NXN: variants seen among roughly 807,000 people sequenced by gnomAD.
NXN encodes nucleoredoxin 1.
In NXN, 16 loss-of-function variants were observed where a neutral mutation model predicts 48.6. That is an observed-to-expected ratio of 0.33 (90% CI 0.22 to 0.50). The LOEUF (loss-of-function observed/expected upper bound fraction) is 0.50. NXN is among the 20% of genes least tolerant of loss of function. The pLI is 0.98. For missense variants in NXN, 492 were observed against 605.5 expected, an observed-to-expected ratio of 0.81 and a Z score of 1.97; for synonymous variants, 281 against 269.6, an observed-to-expected ratio of 1.04 and a Z score of -0.41.
chr17:874,509 G>T (rs929439943), intron 1 of NXN, among the ~76,000 whole-genome samples: 1 of 152,222 alleles, frequency 6.6e-6, no homozygotes, highest in Non-Finnish European at 1.5e-5. Flanking sequence ...GCTTGAACCC[G>T]AGAGGCAGAG....
chr17:926,521 T>A (rs928524829), intron 1 of NXN, among the ~76,000 whole-genome samples: 5 of 140,990 alleles, frequency 3.5e-5, no homozygotes, highest in African/African-American at 1.3e-4. Context: ...AACAGGAGTA[T>A]CCCATGTTTT....
chr17:801,344 T>G (rs1428920381), intron 7 of NXN, among the ~76,000 whole-genome samples: 2 of 152,066 alleles, frequency 1.3e-5, no homozygotes, highest in African/African-American at 4.8e-5. Flanking sequence ...GCATCCGCCC[T>G]GCAAACCACT....
At chr17:828,766 T>A (rs558691149) in intron 1 of NXN, among the ~76,000 whole-genome samples, 1 of 152,120 alleles carries the variant, frequency 6.6e-6, no homozygotes, top group Non-Finnish European at 1.5e-5. Flanking sequence ...AGATTAAACA[T>A]CCTTAAGAGG....
chr17:962,283 A>G (rs2069247098), intron 1 of NXN, among the ~76,000 whole-genome samples: 1 of 152,214 alleles, frequency 6.6e-6, no homozygotes, highest in Non-Finnish European at 1.5e-5. Flanking sequence ...TCCTAAGCAG[A>G]GGCAATCACA....
At chr17:814,581 G>A (rs1469568834) in intron 5 of NXN, among the ~76,000 whole-genome samples, 5 of 152,338 alleles carry the variant, frequency 3.3e-5, no homozygotes, top group South Asian at 4.1e-4. Context: ...CAACACTGTC[G>A]TGTTCGTGAA....
intron 1 of NXN, among the ~76,000 whole-genome samples, chr17:853,296 T>C (rs2067945173): frequency 6.6e-6 from 1 of 151,912 alleles, no homozygotes; most frequent in Non-Finnish European, 1.5e-5. Flanking sequence ...ATACAAAAAT[T>C]AGCCGGGTGT....
intron 1 of NXN, among the ~76,000 whole-genome samples, chr17:966,403 A>G (rs980935933): frequency 2.0e-5 from 3 of 151,772 alleles, no homozygotes; most frequent in Non-Finnish European, 2.9e-5. Context: ...GCCGGAGCGC[A>G]GTGGCACGAA....
chr17:869,942 G>A (rs773780598), intron 1 of NXN, among the ~76,000 whole-genome samples: 2 of 152,190 alleles, frequency 1.3e-5, no homozygotes, highest in African/African-American at 2.4e-5. Flanking sequence ...GGTGCCAGGC[G>A]CTTGGTGCTT....
In NXN at chr17:835,105, G is replaced by A. The variant is rs1033769051; in HGVS notation, c.361-9027C>T. On this transcript the variant is annotated intron_variant, in intron 1 of 7. Coordinates refer to ENST00000336868, the MANE Select transcript of NXN (RefSeq NM_022463.5). Reference sequence around the variant, plus strand: ...GGGCGGATCACAAGGTCAGGAGATCGAGACCATCCTGGCTAACATGGTGAA... The same window carrying A: ...GGGCGGATCACAAGGTCAGGAGATCAAGACCATCCTGGCTAACATGGTGAA... Among the ~76,000 whole-genome samples the A allele has an allele frequency of 1.1e-3, 172 of 151,200 alleles. 1 individual carries two copies. Among genetic ancestry groups the A allele is most frequent in the African/African-American group, 2.5e-3 (104 of 41,330 alleles).
intron 3 of NXN, 61 bp downstream of exon 3, chr17:823,571 G>A: frequency 6.3e-7 from 1 of 1,594,524 alleles, no homozygotes. Flanking sequence ...AACCACAGCT[G>A]GGCCTGCTGG....
At chr17:827,136 G>A (rs988557458) in intron 1 of NXN, among the ~76,000 whole-genome samples, 1 of 152,086 alleles carries the variant, frequency 6.6e-6, no homozygotes, top group African/African-American at 2.4e-5. Context: ...CTGAGGTCAG[G>A]AGTTCAAGAC....
intron 1 of NXN, among the ~76,000 whole-genome samples, chr17:836,363 GGTCAGCCAAGCCTTCTCGGGCAAAC>G (rs1913826139): frequency 1.3e-5 from 2 of 152,190 alleles, no homozygotes; most frequent in African/African-American, 4.8e-5. Flanking sequence ...TCCTTGGCCA[GGTCAGCCAAGCCTTCTCGGGCAAAC>G]GTCACCCCTG....
chr17:828,622 G>C (rs1913273629), intron 1 of NXN, among the ~76,000 whole-genome samples: 1 of 150,860 alleles, frequency 6.6e-6, no homozygotes, highest in South Asian at 2.1e-4. Flanking sequence ...GGCTGGTCTG[G>C]AACTCCTGAC....
Position 912,955 on chromosome 17 carries a change from A to G in NXN, c.360+66364T>C, listed in dbSNP as rs1483149128. 2.0e-5 allele frequency among the ~76,000 whole-genome samples: 3 copies of G among 152,174 alleles called. No individual in the cohort carries two copies. In the East Asian group the frequency reaches 5.8e-4, roughly 29 times the overall value. On this transcript the variant is annotated intron_variant, in intron 1 of 7. Coordinates refer to ENST00000336868, the MANE Select transcript of NXN (RefSeq NM_022463.5). ...GGCGACAGAGTGAAACAAGGAAAGGAGAAAAGAGAAAGGAAAGGACGGAAA... is the reference window on the plus strand; with the variant it reads ...GGCGACAGAGTGAAACAAGGAAAGGGGAAAAGAGAAAGGAAAGGACGGAAA...
intron 1 of NXN, among the ~76,000 whole-genome samples, chr17:881,712 T>A (rs953303568): frequency 6.6e-6 from 1 of 152,186 alleles, no homozygotes; most frequent in African/African-American, 2.4e-5. Flanking sequence ...ACAACTCACA[T>A]ACATCCATCA....
chr17:874,253 C>T (rs2068190646), intron 1 of NXN, among the ~76,000 whole-genome samples: 1 of 152,184 alleles, frequency 6.6e-6, no homozygotes, highest in African/African-American at 2.4e-5. Flanking sequence ...GCCTCCCCAG[C>T]CCTGTGAAAC....
intron 1 of NXN, among the ~76,000 whole-genome samples, chr17:905,712 C>T (rs767010756): frequency 1.3e-5 from 2 of 152,120 alleles, no homozygotes; most frequent in African/African-American, 4.8e-5. Flanking sequence ...CATGGTGGCT[C>T]ACACTTGTAA....
intron 1 of NXN, among the ~76,000 whole-genome samples, chr17:974,807 CTTTATTTTTA>C (rs2069438974): frequency 6.8e-6 from 1 of 147,386 alleles, no homozygotes. Context: ...GCTCTTATTA[CTTTATTTTTA>C]TTTATTTATT....
At chr17:936,727 A>G (rs1358479587) in intron 1 of NXN, among the ~76,000 whole-genome samples, 1 of 149,512 alleles carries the variant, frequency 6.7e-6, no homozygotes, top group Non-Finnish European at 1.5e-5. Context: ...GAATCCATGG[A>G]TTTATAACGG....
Sources: allele counts gnomAD v4.1 joint callset (sites outside exome capture counted in the v4.1 genomes callset), GRCh38; gene constraint gnomAD v4.1.1; transcripts MANE v1.5; gene names NCBI Gene and HGNC (gene_info 2026-07-23, HGNC 2026-07-21).